Variants in AGBL1 observed in about 807,000 individuals in gnomAD.
AGBL1 encodes cytosolic carboxypeptidase 4.
Under a neutral mutation model 118.9 loss-of-function variants are expected in AGBL1, and 130 were observed. The observed-to-expected ratio is 1.09, with a 90% CI of 0.95 to 1.26. AGBL1 has a LOEUF of 1.26. Ranked by LOEUF, AGBL1 falls within the 50% of genes most tolerant of loss-of-function variation. The probability of loss-of-function intolerance (pLI) is 0.00; values close to 1 mark genes in which losing one functional copy is unlikely to be tolerated. For missense variants in AGBL1, 1,584 were observed against 1,298.1 expected (o/e 1.22, Z -3.38); for synonymous variants, 555 against 478.9 (o/e 1.16, Z -2.08).
intron 18 of AGBL1, among the ~76,000 whole-genome samples, chr15:86,437,574 G>A (rs972623052): frequency 1.3e-5 from 2 of 151,980 alleles, no homozygotes; most frequent in East Asian, 1.9e-4. Flanking sequence ...GCTGGGTCCC[G>A]CCACCTAGTC....
In AGBL1 at chr15:86,261,527, A is replaced by G. The variant is rs1293590876; in HGVS notation, c.970-1251A>G. Among the ~76,000 whole-genome samples, 3 of 152,232 alleles carry G rather than the reference A, an allele frequency of 2.0e-5. No individual in the cohort carries two copies. The East Asian group carries it at 5.8e-4, about 29-fold the overall frequency. ...TGCCCCTTGGATCAGAAATACAAAC[A>G]TTTATTTTCCACGTTTATTGGATTT... On this transcript the variant is annotated intron_variant, in intron 9 of 22. Transcript: ENST00000614907.
chr15:86,767,016 T>G (rs2141281284), intron 22 of AGBL1, among the ~76,000 whole-genome samples: 1 of 152,022 alleles, frequency 6.6e-6, no homozygotes, highest in South Asian at 2.1e-4. Context: ...AGTAGGAAAT[T>G]TATGTGTTAT....
chr15:86,280,703 A>G (rs1294135863), intron 16 of AGBL1, among the ~76,000 whole-genome samples: 1 of 152,214 alleles, frequency 6.6e-6, no homozygotes, highest in Non-Finnish European at 1.5e-5. Flanking sequence ...AAGGACTTGG[A>G]AAAGATAATA....
At chr15:86,113,412 C>T (rs549988364) in intron 1 of AGBL1, among the ~76,000 whole-genome samples, 57 of 151,338 alleles carry the variant, frequency 3.8e-4, no homozygotes, top group Non-Finnish European at 7.1e-4. Flanking sequence ...CTCAGCCTCC[C>T]GAGTAGCTAG....
At chr15:86,598,880 T>C (rs1311476474) in intron 21 of AGBL1, among the ~76,000 whole-genome samples, 28 of 152,164 alleles carry the variant, frequency 1.8e-4, no homozygotes, top group Admixed American at 1.8e-3. Flanking sequence ...AATTTGATAT[T>C]AACAAGAAAT....
At chr15:86,210,519 A>AC in intron 5 of AGBL1, among the ~76,000 whole-genome samples, 1 of 151,690 alleles carries the variant, frequency 6.6e-6, no homozygotes, top group East Asian at 1.9e-4. Flanking sequence ...GTCGCTTTTT[A>AC]CTCTTTTTTC....
chr15:86,423,597 G>A (rs191541348), intron 18 of AGBL1, among the ~76,000 whole-genome samples: 2 of 152,132 alleles, frequency 1.3e-5, no homozygotes, highest in African/African-American at 4.8e-5. Context: ...AAGTCAAATT[G>A]TCTCTGTTTG....
chr15:86,778,557 C>T (rs532584364), intron 22 of AGBL1, among the ~76,000 whole-genome samples: 7 of 152,114 alleles, frequency 4.6e-5, no homozygotes, highest in East Asian at 1.9e-4. Flanking sequence ...AAGAATTCAG[C>T]GATATTTCTC....
intron 22 of AGBL1, among the ~76,000 whole-genome samples, chr15:86,842,864 T>C (rs954772090): frequency 1.3e-5 from 2 of 152,166 alleles, no homozygotes; most frequent in Non-Finnish European, 2.9e-5. Flanking sequence ...GTCAGAGGTA[T>C]AGTCTTCCTA....
intron 22 of AGBL1, among the ~76,000 whole-genome samples, chr15:86,794,043 G>A (rs1405380129): frequency 6.6e-6 from 1 of 152,212 alleles, no homozygotes; most frequent in African/African-American, 2.4e-5. Context: ...AAGTTTGGCA[G>A]TTCCTCAAAC....
At chr15:86,188,125 C>A (rs778028375) in intron 5 of AGBL1, among the ~76,000 whole-genome samples, 18 of 152,228 alleles carry the variant, frequency 1.2e-4, no homozygotes, top group African/African-American at 4.3e-4. Flanking sequence ...CATATTGTTT[C>A]TGTGAATCTT....
At chr15:86,740,945 A>G (rs1050650689) in intron 22 of AGBL1, among the ~76,000 whole-genome samples, 1 of 152,128 alleles carries the variant, frequency 6.6e-6, no homozygotes, top group African/African-American at 2.4e-5. Context: ...ACAGTTGACT[A>G]TAGATCCTCA....
At chr15:86,783,913 G>A (rs993962765) in intron 22 of AGBL1, among the ~76,000 whole-genome samples, 5 of 152,230 alleles carry the variant, frequency 3.3e-5, no homozygotes, top group African/African-American at 7.2e-5. Context: ...TTACAGGCGT[G>A]AGCCACCATG....
At chr15:86,107,322 C>G (rs1897109597) in intron 1 of AGBL1, among the ~76,000 whole-genome samples, 1 of 152,198 alleles carries the variant, frequency 6.6e-6, no homozygotes, top group South Asian at 2.1e-4. Flanking sequence ...CAGAAATTGG[C>G]TTTAGCTTTG....
intron 17 of AGBL1, among the ~76,000 whole-genome samples, chr15:86,315,322 C>T (rs1302393504): frequency 6.6e-6 from 1 of 152,124 alleles, no homozygotes; most frequent in Non-Finnish European, 1.5e-5. Context: ...AGGTAGACTT[C>T]TAAAGGTATT....
intron 24 of AGBL1, among the ~76,000 whole-genome samples, chr15:87,012,192 TACACACACACACACACACACAC>T (rs57985975): frequency 7.0e-6 from 1 of 142,680 alleles, no homozygotes; most frequent in Admixed American, 7.1e-5. Flanking sequence ...TACAAATTTA[TACACACACACACACACACACAC>T]ACACACACAC....
intron 18 of AGBL1, among the ~76,000 whole-genome samples, chr15:86,460,125 T>C (rs7173322): frequency 0.64 from 96,403 of 151,310 alleles, 32,139 homozygotes; most frequent in African/African-American, 0.8. Flanking sequence ...TTTGGTCTCC[T>C]GGTCTTAGGT....
intron 5 of AGBL1, among the ~76,000 whole-genome samples, chr15:86,194,469 A>G (rs2077769344): frequency 6.6e-6 from 1 of 152,100 alleles, no homozygotes; most frequent in African/African-American, 2.4e-5. Context: ...TCATTTTCCA[A>G]TCCAGAATGC....
At chr15:86,653,698 G>A (rs555431198) in intron 21 of AGBL1, among the ~76,000 whole-genome samples, 7 of 152,118 alleles carry the variant, frequency 4.6e-5, no homozygotes, top group Non-Finnish European at 5.9e-5. Context: ...AGACATACAA[G>A]CCAGCATATC....
Sources: gnomAD v4.1 joint callset for allele counts (sites outside exome capture counted in the v4.1 genomes callset) on GRCh38, gnomAD v4.1.1 for gene constraint, MANE v1.5 for transcripts, NCBI Gene and HGNC (gene_info 2026-07-23, HGNC 2026-07-21) for gene names.